Variants in SYCP2L observed in about 807,000 individuals in gnomAD.
SYCP2L encodes synaptonemal complex protein 2-like.
In SYCP2L, 98 loss-of-function variants were observed where a neutral mutation model predicts 125.8. That is an observed-to-expected ratio of 0.78 (90% CI 0.66 to 0.92). The LOEUF (loss-of-function observed/expected upper bound fraction) is 0.92, where lower values mean the gene tolerates loss of function less well. Among genes scored for constraint, SYCP2L ranks in the 40% least tolerant of loss-of-function variants. The probability of loss-of-function intolerance (pLI) is 0.00; values close to 1 mark genes in which losing one functional copy is unlikely to be tolerated. For synonymous variants in SYCP2L, 317 were observed against 325.4 expected, an observed-to-expected ratio of 0.97 and a Z score of 0.28; for missense variants, 842 against 936.4, an observed-to-expected ratio of 0.90 and a Z score of 1.32.
chr6:10,925,021 C>T (rs539026485), intron 15 of SYCP2L, among the ~76,000 whole-genome samples: 1 of 152,238 alleles, frequency 6.6e-6, no homozygotes, highest in Admixed American at 6.5e-5. Flanking sequence ...TCTCACGCTG[C>T]TAATAAAGAC....
Position 10,895,830 on chromosome 6 carries a change from CAA to C in SYCP2L, c.336+1628_336+1629del, listed in dbSNP as rs1245424685. Among the ~76,000 whole-genome samples, 4 of 151,054 alleles carry C rather than the reference CAA, an allele frequency of 2.6e-5. No homozygotes were observed. The East Asian group carries it at 8.1e-4, about 30-fold the overall frequency. ...GACAACTGTGTTTGCAGACTGAACA[CAA>C]AGTGTGCTCGGAAGTTCTTCTACTA... On this transcript the variant is annotated intron_variant, in intron 4 of 29. Coordinates refer to ENST00000283141, the MANE Select transcript of SYCP2L (RefSeq NM_001040274.3).
intron 6 of SYCP2L, among the ~76,000 whole-genome samples, chr6:10,901,848 C>T (rs984747734): frequency 7.2e-5 from 11 of 152,240 alleles, no homozygotes; most frequent in African/African-American, 1.4e-4. Context: ...TTGGAAATAG[C>T]GTGGCTCCGC....
At chr6:10,930,643 A>C in intron 19 of SYCP2L, 129 bp downstream of exon 19, 1 of 1,111,156 alleles carries the variant, frequency 9.0e-7, no homozygotes, top group South Asian at 1.5e-5. Context: ...TTTCCCTGCT[A>C]CAGTTACACT....
chr6:10,939,916 A>T (rs1437027869), intron 21 of SYCP2L, among the ~76,000 whole-genome samples: 1 of 151,382 alleles, frequency 6.6e-6, no homozygotes, highest in Non-Finnish European at 1.5e-5. Flanking sequence ...CAACCTAAAG[A>T]ATGGGAGAAA....
intron 14 of SYCP2L, among the ~76,000 whole-genome samples, chr6:10,913,593 A>G (rs1039713316): frequency 6.6e-5 from 10 of 150,972 alleles, no homozygotes; most frequent in African/African-American, 1.5e-4. Flanking sequence ...GAATTGTTTG[A>G]GTTCGTTGTA....
chr6:10,951,204 G>C (rs376206969), intron 23 of SYCP2L, among the ~76,000 whole-genome samples: 1 of 152,014 alleles, frequency 6.6e-6, no homozygotes, highest in Admixed American at 6.6e-5. Context: ...CAGGAAGATT[G>C]CTTGAGCTTA....
intron 2 of SYCP2L, 21 bp downstream of exon 2, chr6:10,891,602 A>T (rs780860155): frequency 8.0e-7 from 1 of 1,252,702 alleles, no homozygotes. Context: ...AGTTTCTTTT[A>T]TAATCTCTCT....
intron 25 of SYCP2L, 59 bp from the exon 26 acceptor site, chr6:10,958,725 C>A: frequency 6.9e-7 from 1 of 1,446,968 alleles, no homozygotes; most frequent in Non-Finnish European, 9.6e-7. Context: ...ACAAAGCATG[C>A]ACTCAACTTA....
chr6:10,935,131 A>C lies in SYCP2L; in HGVS notation c.1757A>C (p.Gln586Pro), dbSNP rs1006741956. 3.1e-6 allele frequency: 5 copies of C among 1,613,332 alleles called. No homozygotes were observed. Among genetic ancestry groups the C allele is most frequent in the Non-Finnish European group, 4.2e-6 (5 of 1,179,666 alleles). The part of the protein sequence containing the change: ...NNTTSPKTSE[Q>P]KFQDSFAFLT... Reference sequence around the variant, plus strand: ...ACCACATCTCCAAAGACTTCTGAACAAAAATTCCAAGATAGTTTTGCTTTT... The same window carrying C: ...ACCACATCTCCAAAGACTTCTGAACCAAAATTCCAAGATAGTTTTGCTTTT... Residue 586 changes from glutamine to proline, a missense_variant, in exon 21 of 30, where the codon CAA becomes CCA. Coordinates refer to ENST00000283141, the MANE Select transcript of SYCP2L (RefSeq NM_001040274.3).
intron 4 of SYCP2L, among the ~76,000 whole-genome samples, chr6:10,894,643 A>C (rs1361894085): frequency 6.6e-6 from 1 of 152,228 alleles, no homozygotes; most frequent in Non-Finnish European, 1.5e-5. Flanking sequence ...AATCTGAAAA[A>C]ACAAATAGCA....
intron 23 of SYCP2L, among the ~76,000 whole-genome samples, chr6:10,953,242 T>C (rs1781442945): frequency 6.6e-6 from 1 of 152,198 alleles, no homozygotes; most frequent in Non-Finnish European, 1.5e-5. Flanking sequence ...ATTCATATAT[T>C]TATAGATTCC....
chr6:10,955,262 A>T (rs1392168567), intron 24 of SYCP2L, 45 bp downstream of exon 24: 1 of 1,238,224 alleles, frequency 8.1e-7, no homozygotes, highest in South Asian at 1.2e-5. Context: ...GAGTGGGATA[A>T]ATGGGTCAGC....
chr6:10,926,457 T>A, intron 16 of SYCP2L, 25 bp downstream of exon 16: 1 of 1,565,954 alleles, frequency 6.4e-7, no homozygotes, highest in Non-Finnish European at 8.8e-7. Flanking sequence ...AACAAAATTC[T>A]GACCCTGAGT....
chr6:10,913,402 G>C (rs531448221), intron 14 of SYCP2L, among the ~76,000 whole-genome samples: 1 of 152,280 alleles, frequency 6.6e-6, no homozygotes, highest in Admixed American at 6.5e-5. Context: ...GGATTGCCAG[G>C]CTCTCTTGTA....
intron 18 of SYCP2L, among the ~76,000 whole-genome samples, chr6:10,928,834 C>T (rs937102434): frequency 8.6e-5 from 13 of 151,648 alleles, no homozygotes; most frequent in African/African-American, 2.9e-4. Context: ...CACCATGCCC[C>T]ATCAGCCATC....
intron 26 of SYCP2L, among the ~76,000 whole-genome samples, chr6:10,960,435 T>A (rs1781575282): frequency 6.6e-6 from 1 of 152,088 alleles, no homozygotes; most frequent in African/African-American, 2.4e-5. Context: ...CTGTGCTTGG[T>A]ATGAGAGTGA....
Position 10,961,537 on chromosome 6 carries a change from T to C in SYCP2L, c.2393T>C (p.Phe798Ser), listed in dbSNP as rs1781594082. The part of the protein sequence containing the change: ...WGKQSADLQS[F>S]CDLQVLRFNS... ...AAACAGTCTGCTGATCTGCAATCTT[T>C]CTGTGATCTGCAAGTGCTGAGGTAC... Residue 798 changes from phenylalanine to serine, a missense_variant, in exon 28 of 30, where the codon TTC (phenylalanine) becomes TCC (serine). By Grantham distance (155) the Phe-to-Ser change is radical (BLOSUM62 -2). Coordinates refer to ENST00000283141, the MANE Select transcript of SYCP2L (RefSeq NM_001040274.3). The C allele has an allele frequency of 3.1e-6, 5 of 1,614,216 alleles. No homozygotes were observed. In the East Asian group the frequency reaches 8.9e-5, roughly 29 times the overall value.
intron 6 of SYCP2L, among the ~76,000 whole-genome samples, chr6:10,900,893 C>A (rs1333673441): frequency 6.6e-6 from 1 of 152,192 alleles, no homozygotes; most frequent in Non-Finnish European, 1.5e-5. Flanking sequence ...TCACATGTGG[C>A]CTTTGACAGT....
intron 4 of SYCP2L, among the ~76,000 whole-genome samples, chr6:10,895,410 A>C (rs1300817168): frequency 6.6e-6 from 1 of 152,200 alleles, no homozygotes; most frequent in Non-Finnish European, 1.5e-5. Flanking sequence ...GTCGGGTCGT[A>C]CAATCTAATT....
Sources: allele counts gnomAD v4.1 joint callset (sites outside exome capture counted in the v4.1 genomes callset), GRCh38; gene constraint gnomAD v4.1.1; transcripts MANE v1.5; gene names NCBI Gene and HGNC (gene_info 2026-07-23, HGNC 2026-07-21).